FARS2: variants seen among roughly 807,000 people sequenced by gnomAD.
FARS2 encodes the protein phenylalanyl-tRNA synthetase 2, mitochondrial, also known as phenylalanine--tRNA ligase, mitochondrial.
FARS2 carries 40 observed loss-of-function variants against 46.4 expected under a neutral mutation model. That is an observed-to-expected ratio of 0.86 (90% CI 0.67 to 1.12). FARS2 has a LOEUF of 1.12. Ranked by LOEUF, FARS2 falls within the 50% of genes most tolerant of loss-of-function variation. The pLI, the probability that FARS2 is intolerant of heterozygous loss-of-function variation, is 0.00. For synonymous variants in FARS2, 234 were observed against 214.9 expected, an observed-to-expected ratio of 1.09 and a Z score of -0.78; for missense variants, 513 against 567.9, an observed-to-expected ratio of 0.90 and a Z score of 0.98.
intron 6 of FARS2, among the ~76,000 whole-genome samples, chr6:5,671,702 A>G (rs1778473954): frequency 6.6e-6 from 1 of 152,218 alleles, no homozygotes; most frequent in Admixed American, 6.5e-5. Flanking sequence ...TTTAACCTTT[A>G]AAGATGTTGC....
intron 5 of FARS2, among the ~76,000 whole-genome samples, chr6:5,550,184 T>C (rs1771286872): frequency 6.6e-6 from 1 of 152,210 alleles, no homozygotes; most frequent in South Asian, 2.1e-4. Context: ...ATTCAGCCAT[T>C]AGGTTTCAAG....
chr6:5,410,651 G>A (rs1024343106), intron 3 of FARS2, among the ~76,000 whole-genome samples: 9 of 152,196 alleles, frequency 5.9e-5, no homozygotes, highest in African/African-American at 1.9e-4. Context: ...TAATGGTGAC[G>A]ATAGAGATAA....
chr6:5,553,727 G>A lies in FARS2; in HGVS notation c.1065+8387G>A, dbSNP rs187739201. Among the ~76,000 whole-genome samples, 359 of 152,222 alleles carry A rather than the reference G, an allele frequency of 2.4e-3. 2 individuals carry two copies. Among genetic ancestry groups the A allele is most frequent in the Middle Eastern group, 6.8e-3 (2 of 294 alleles). Reference sequence around the variant, plus strand: ...TTAATGCTTTCTCAAACTTCAGTGTGCAGGTGAATCCCTGATGGAGCTTGT... The same window carrying A: ...TTAATGCTTTCTCAAACTTCAGTGTACAGGTGAATCCCTGATGGAGCTTGT... On this transcript the variant is annotated intron_variant, in intron 5 of 6. Coordinates refer to ENST00000274680, the MANE Select transcript of FARS2 (RefSeq NM_006567.5).
chr6:5,278,693 C>A (rs1211110768), intron 1 of FARS2, among the ~76,000 whole-genome samples: 1 of 152,064 alleles, frequency 6.6e-6, no homozygotes, highest in African/African-American at 2.4e-5. Context: ...CCCATCAAAC[C>A]CTGACATGAG....
chr6:5,770,337 G>C (rs770409824), intron 6 of FARS2, among the ~76,000 whole-genome samples: 1 of 152,206 alleles, frequency 6.6e-6, no homozygotes, highest in Non-Finnish European at 1.5e-5. Context: ...CTGCCTGGGA[G>C]CCCTCAATTT....
chr6:5,578,900 A>G (rs533008026), intron 5 of FARS2, among the ~76,000 whole-genome samples: 8 of 151,658 alleles, frequency 5.3e-5, no homozygotes, highest in Non-Finnish European at 1.2e-4. Flanking sequence ...TCACATCCCA[A>G]CTCTACTGCC....
intron 1 of FARS2, among the ~76,000 whole-genome samples, chr6:5,285,787 C>G (rs1002238595): frequency 2.6e-5 from 4 of 152,198 alleles, no homozygotes; most frequent in African/African-American, 9.6e-5. Context: ...TGAAGCCCAG[C>G]TAGCAGTCAC....
At chr6:5,661,273 G>C (rs1777841566) in intron 6 of FARS2, among the ~76,000 whole-genome samples, 1 of 152,192 alleles carries the variant, frequency 6.6e-6, no homozygotes, top group African/African-American at 2.4e-5. Context: ...CGTTTGCCTT[G>C]AGGTTTACTG....
intron 3 of FARS2, among the ~76,000 whole-genome samples, chr6:5,417,552 T>A (rs189177546): frequency 1.3e-5 from 2 of 152,318 alleles, no homozygotes; most frequent in African/African-American, 4.8e-5. Context: ...GAGGTGATAT[T>A]CCTAGATCTC....
At position 5,609,238 on chromosome 6, in the gene FARS2, T is replaced by C. The variant is rs112035167; in HGVS notation, c.1066-3931T>C. The C allele has an allele frequency of 8.2e-4, 978 of 1,199,256 alleles. 9 individuals carry two copies. The highest frequency in any genetic ancestry group is 8.2e-3 in the African/African-American group (554 of 67,936). The allele number at this position is 1,199,256 out of a possible 1,614,324, so 74.3% of individuals were successfully genotyped here. The stretch of plus-strand genomic sequence containing the variant: ...GCTTTGTTTCCTAATTAAAATCTTC[T>C]GCCACTGCCTTAGCTACTGCTGCTA... On this transcript the variant is annotated intron_variant, in intron 5 of 6. Coordinates refer to ENST00000274680, the MANE Select transcript of FARS2 (RefSeq NM_006567.5).
At chr6:5,356,820 A>G (rs994716403) in intron 1 of FARS2, among the ~76,000 whole-genome samples, 1 of 152,236 alleles carries the variant, frequency 6.6e-6, no homozygotes, top group Non-Finnish European at 1.5e-5. Flanking sequence ...TACTGCAGAT[A>G]AGAAGAACGG....
chr6:5,345,587 C>A (rs186560426), intron 1 of FARS2, among the ~76,000 whole-genome samples: 1 of 152,178 alleles, frequency 6.6e-6, no homozygotes, highest in African/African-American at 2.4e-5. Context: ...CAGAATAGAA[C>A]GGAGATGAGT....
At chr6:5,282,148 C>T (rs370714583) in intron 1 of FARS2, among the ~76,000 whole-genome samples, 1 of 152,158 alleles carries the variant, frequency 6.6e-6, no homozygotes, top group Non-Finnish European at 1.5e-5. Context: ...GCTTTTTAGT[C>T]ATTTAATGAG....
intron 6 of FARS2, among the ~76,000 whole-genome samples, chr6:5,661,137 C>G (rs547744566): frequency 6.6e-6 from 1 of 152,124 alleles, no homozygotes; most frequent in African/African-American, 2.4e-5. Flanking sequence ...AAATAAAACC[C>G]AAAATTTCTA....
chr6:5,291,826 C>A (rs1767527074), intron 1 of FARS2, among the ~76,000 whole-genome samples: 1 of 151,860 alleles, frequency 6.6e-6, no homozygotes, highest in South Asian at 2.1e-4. Flanking sequence ...TATGAGTATT[C>A]ATTTGTTAAT....
At chr6:5,357,733 G>A (rs1758029488) in intron 1 of FARS2, among the ~76,000 whole-genome samples, 2 of 152,218 alleles carry the variant, frequency 1.3e-5, no homozygotes, top group South Asian at 4.1e-4. Flanking sequence ...AATAGCAGGG[G>A]TGGACTGGAA....
chr6:5,745,314 T>C (rs1582870357), intron 6 of FARS2, among the ~76,000 whole-genome samples: 1 of 152,394 alleles, frequency 6.6e-6, no homozygotes, highest in African/African-American at 2.4e-5. Flanking sequence ...CAGAGCGCAC[T>C]AACAGTTGAG....
chr6:5,379,701 T>G (rs539839357), intron 2 of FARS2, among the ~76,000 whole-genome samples: 1 of 152,284 alleles, frequency 6.6e-6, no homozygotes, highest in South Asian at 2.1e-4. Context: ...GGAAGCACTA[T>G]GCTATGAAAA....
intron 6 of FARS2, among the ~76,000 whole-genome samples, chr6:5,647,854 A>G (rs10484314): frequency 0.31 from 47,261 of 152,086 alleles, 8,224 homozygotes; most frequent in East Asian, 0.59. Flanking sequence ...TCCTGTAATT[A>G]GCACGTAACC....
Sources: allele counts gnomAD v4.1 joint callset (sites outside exome capture counted in the v4.1 genomes callset), GRCh38; gene constraint gnomAD v4.1.1; transcripts MANE v1.5; gene names NCBI Gene and HGNC (gene_info 2026-07-23, HGNC 2026-07-21).